Variants in TRIM65 observed in about 807,000 individuals in gnomAD.
The protein encoded by TRIM65 is tripartite motif containing 65.
TRIM65 carries 46 observed loss-of-function variants against 36.1 expected under a neutral mutation model. The observed-to-expected ratio is 1.27, with a 90% CI of 1.01 to 1.63. The LOEUF (loss-of-function observed/expected upper bound fraction) is 1.63. TRIM65 is among the 40% of genes most tolerant of loss of function. TRIM65 has a pLI of 0.00. For synonymous variants in TRIM65, 346 were observed against 313.6 expected (o/e 1.10, Z -1.09); for missense variants, 708 against 696.6 (o/e 1.02, Z -0.18).
chr17:75,888,828 C>T (rs2065230369), downstream of TRIM65: 2 of 152,108 alleles, frequency 1.3e-5, no homozygotes, highest in Admixed American at 1.3e-4. Context: ...CAAACAGCCA[C>T]AGGCTAGGAG....
chr17:75,886,337 G>A (rs1034777349), downstream of TRIM65, among the ~76,000 whole-genome samples: 1 of 151,710 alleles, frequency 6.6e-6, no homozygotes, highest in South Asian at 2.1e-4. Flanking sequence ...CCTGGCTAAC[G>A]TGGTGAAACC....
At chr17:75,884,792 T>C (rs529557204), downstream of TRIM65, among the ~76,000 whole-genome samples, 13 of 152,226 alleles carry the variant, frequency 8.5e-5, no homozygotes, top group Non-Finnish European at 1.8e-4. Context: ...CTAATTTTTG[T>C]ATTTTTTGTA....
At position 75,891,426 on chromosome 17, in the gene TRIM65, C is replaced by T. The variant is rs187633683; in HGVS notation, c.986-79G>A. 1.3e-5 allele frequency: 19 copies of T among 1,461,598 alleles called. No homozygotes were observed. The East Asian group carries it at 1.6e-4, about 12-fold the overall frequency. The allele number at this position is 1,461,598 out of a possible 1,614,324, so 90.5% of individuals were successfully genotyped here. A position where few individuals can be genotyped will look rare whatever the true frequency, so the allele number is the denominator to read the frequency against. On this transcript the variant is annotated intron_variant, in intron 5 of 5. Transcript: ENST00000269383. ...CTCCATTTATCCGCTGCTAAACCTCCGCCAGGCACGCTGAGCACCGGCCGT... is the reference window on the plus strand; with the variant it reads ...CTCCATTTATCCGCTGCTAAACCTCTGCCAGGCACGCTGAGCACCGGCCGT...
At chr17:75,896,413 C>T (rs1310423133) in intron 1 of TRIM65, 111 bp downstream of exon 1, 4 of 1,219,098 alleles carry the variant, frequency 3.3e-6, no homozygotes, top group Admixed American at 4.4e-5. Context: ...AGATGAGGCT[C>T]CCCGCCCCCG....
rs1335494821 is a variant in TRIM65 at position 75,896,744 on chromosome 17, G to T, written c.194C>A (p.Ala65Asp). 2.0e-6 allele frequency: 3 copies of T among 1,480,250 alleles called. No homozygotes were observed. The highest frequency in any genetic ancestry group is 2.7e-6 in the Non-Finnish European group (3 of 1,120,894). 91.7% of individuals were successfully genotyped at this position (1,480,250 alleles called of 1,614,324 possible). A position where few individuals can be genotyped will look rare whatever the true frequency, so the allele number is the denominator to read the frequency against. Reference sequence around the variant, plus strand: ...CACCACCTCCAGCACGCCGCTGAGGGCCACGTTGCGGCGCAGCTCGGCGCC... The same window carrying T: ...CACCACCTCCAGCACGCCGCTGAGGTCCACGTTGCGGCGCAGCTCGGCGCC... The part of the protein sequence containing the change: ...PDGAELRRNV[A>D]LSGVLEVVRA... Residue 65 changes from alanine to aspartate, a missense_variant, in exon 1 of 6, where the codon GCC becomes GAC. Transcript: ENST00000269383.
chr17:75,896,401 A>G lies in TRIM65; in HGVS notation c.414+123T>C, dbSNP rs372737184. On this transcript the variant is annotated intron_variant, in intron 1 of 5. Coordinates refer to ENST00000269383, the MANE Select transcript of TRIM65 (RefSeq NM_173547.4). ...GCTCCCAGGTTGGGAGAAGCCCCTT[A>G]CAGATGAGGCTCCCCGCCCCCGCCG... 7.0e-4 allele frequency: 855 copies of G among 1,216,806 alleles called. 8 individuals carry two copies. In the African/African-American group the frequency reaches 0.012, roughly 17 times the overall value. 75.4% of individuals were successfully genotyped at this position (1,216,806 alleles called of 1,614,324 possible).
At chr17:75,888,936 T>C (rs886961356), downstream of TRIM65, 10 of 151,886 alleles carry the variant, frequency 6.6e-5, no homozygotes, top group African/African-American at 2.2e-4. Context: ...ATTATATATA[T>C]TGGGGGTATG....
At position 75,896,887 on chromosome 17, in the gene TRIM65, C is replaced by T; in HGVS notation, c.51G>A (p.Gly17=). The T allele has an allele frequency of 3.3e-6, 5 of 1,524,526 alleles. No homozygotes were observed. Among genetic ancestry groups the T allele is most frequent in the East Asian group, 5.2e-5 (2 of 38,358 alleles). 94.4% of individuals were successfully genotyped at this position (1,524,526 alleles called of 1,614,324 possible). Residue 17 remains glycine, a synonymous_variant, in exon 1 of 6, where the codon GGG becomes GGA. Coordinates refer to ENST00000269383, the MANE Select transcript of TRIM65 (RefSeq NM_173547.4). The stretch of plus-strand genomic sequence containing the variant: ...GCAGCGTCACTGGGTCCTGGTAGAG[C>T]CCCAGGCAGATGGCGCAGGTCAGCT... The part of the protein sequence containing the change: ...EEKLTCAICL[G]LYQDPVTLPC...
chr17:75,884,828 G>GT, downstream of TRIM65, among the ~76,000 whole-genome samples: 1 of 151,850 alleles, frequency 6.6e-6, no homozygotes, highest in Non-Finnish European at 1.5e-5. Context: ...CATATACGTG[G>GT]TTTTCAGGAC....
At chr17:75,891,439 G>A in intron 5 of TRIM65, 92 bp from the exon 6 acceptor site, 2 of 1,365,380 alleles carry the variant, frequency 1.5e-6, no homozygotes, top group Non-Finnish European at 2.0e-6. Context: ...CAGGCACGCT[G>A]AGCACCGGCC....
At chr17:75,884,601 G>A (rs1368605346), downstream of TRIM65, among the ~76,000 whole-genome samples, 1 of 152,098 alleles carries the variant, frequency 6.6e-6, no homozygotes, top group East Asian at 1.9e-4. Flanking sequence ...GCCGTTTAAG[G>A]TTCCTTCTTG....
downstream of TRIM65, among the ~76,000 whole-genome samples, chr17:75,886,754 A>T (rs1015512375): frequency 6.6e-6 from 1 of 151,972 alleles, no homozygotes. Context: ...CAGAATCTGT[A>T]AGGGGGTCTG....
intron 2 of TRIM65, 36 bp downstream of exon 2, chr17:75,892,719 G>A: frequency 1.3e-6 from 2 of 1,580,362 alleles, no homozygotes; most frequent in South Asian, 2.2e-5. Context: ...GATGCAGTGT[G>A]AGGCCATGGT....
chr17:75,892,431 G>C lies in TRIM65; in HGVS notation c.580C>G (p.Gln194Glu), dbSNP rs762628947. ...ATGCTCCTCAGTGCTGTCGTGTGCT[G>C]TATTTCCAGGGCCTGTAGCAGGCTG... The part of the protein sequence containing the change: ...FSSLLQALEI[Q>E]HTTALRSIEV... Residue 194 changes from glutamine to glutamate, a missense_variant, in exon 3 of 6, where the codon CAG (glutamine) becomes GAG (glutamate). Transcript: ENST00000269383. The C allele has an allele frequency of 6.2e-7, 1 of 1,614,120 alleles. No individual in the cohort carries two copies. The highest frequency in any genetic ancestry group is 8.5e-7 in the Non-Finnish European group (1 of 1,179,980).
intron 1 of TRIM65, among the ~76,000 whole-genome samples, chr17:75,895,651 G>C (rs779414957): frequency 6.6e-6 from 1 of 152,154 alleles, no homozygotes; most frequent in African/African-American, 2.4e-5. Flanking sequence ...GCCTGAAGGC[G>C]GCCTCCCCTT....
Position 75,892,343 on chromosome 17 carries a change from T to C in TRIM65, c.668A>G (p.His223Arg), listed in dbSNP as rs749706774. The C allele has an allele frequency of 6.2e-7, 1 of 1,613,124 alleles. No homozygotes were observed. Among genetic ancestry groups the C allele is most frequent in the Non-Finnish European group, 8.5e-7 (1 of 1,179,930 alleles). ...ARDEEQRLRV[H>R]LEAVARHGCR... ...GCCATGGCGAGCCACAGCCTCCAAA[T>C]GGACCCGCAGCCGCTGCTCCTCGTC... is the stretch of plus-strand genomic sequence containing the variant. Residue 223 changes from histidine to arginine, a missense_variant, in exon 3 of 6, where the codon CAT becomes CGT. His to Arg is a conservative substitution (Grantham distance 29, BLOSUM62 0). Coordinates refer to ENST00000269383, the MANE Select transcript of TRIM65 (RefSeq NM_173547.4).
chr17:75,892,402 C>G lies in TRIM65; in HGVS notation c.609G>C (p.Glu203Asp), dbSNP rs1445902845. 6.2e-6 allele frequency: 10 copies of G among 1,613,998 alleles called. No homozygotes were observed. Among genetic ancestry groups the G allele is most frequent in the African/African-American group, 1.3e-5 (1 of 74,950 alleles). ...IQHTTALRSI[E>D]VAKTQALAQA... ...GTGCCAGCGCCTGCGTCTTGGCCAC[C>G]TCGATGCTCCTCAGTGCTGTCGTGT... is the stretch of plus-strand genomic sequence containing the variant. The change falls in exon 3 of 6, where the codon GAG (glutamate) becomes GAC (aspartate). Residue 203 changes from glutamate to aspartate, a missense_variant. By Grantham distance (45) the Glu-to-Asp change is conservative. Transcript: ENST00000269383.
chr17:75,896,789 C>G lies in TRIM65; in HGVS notation c.149G>C (p.Cys50Ser). 1.3e-6 allele frequency: 2 copies of G among 1,503,108 alleles called. No homozygotes were observed. The highest frequency in any genetic ancestry group is 1.8e-6 in the Non-Finnish European group (2 of 1,129,628). 93.1% of individuals were successfully genotyped at this position (1,503,108 alleles called of 1,614,324 possible). A position where few individuals can be genotyped will look rare whatever the true frequency, so the allele number is the denominator to read the frequency against. ...GGCGCCGTCGGGAAAGGGCTCCCGG[C>G]ACTCGGGGCACGCCTTTCCGCAGCG... ...WDRCGKACPE[C>S]REPFPDGAEL... Residue 50 changes from cysteine (C) to serine (S), a missense_variant, in exon 1 of 6, where the codon TGC becomes TCC. By Grantham distance (112) the Cys-to-Ser change is moderately radical. Transcript: ENST00000269383.
chr17:75,886,079 T>C (rs1234008695), downstream of TRIM65, among the ~76,000 whole-genome samples: 1 of 152,178 alleles, frequency 6.6e-6, no homozygotes, highest in Non-Finnish European at 1.5e-5. Flanking sequence ...TGAATAAGTC[T>C]CACGAGATCT....
Sources: allele counts gnomAD v4.1 joint callset (sites outside exome capture counted in the v4.1 genomes callset), GRCh38; gene constraint gnomAD v4.1.1; transcripts MANE v1.5; gene names NCBI Gene and HGNC (gene_info 2026-07-23, HGNC 2026-07-21).